TRIM5: variants seen among roughly 807,000 people sequenced by gnomAD.
TRIM5 encodes the protein tripartite motif containing 5.
Under a neutral mutation model 35.6 loss-of-function variants are expected in TRIM5, and 31 were observed. That is an observed-to-expected ratio of 0.87 (90% confidence interval 0.65 to 1.18). The LOEUF (loss-of-function observed/expected upper bound fraction) is 1.18, where lower values mean the gene tolerates loss of function less well. Among genes scored for constraint, TRIM5 ranks in the 50% most tolerant of loss-of-function variants. The probability of loss-of-function intolerance (pLI) is 0.00; values close to 1 mark genes in which losing one functional copy is unlikely to be tolerated. For synonymous variants in TRIM5, 243 were observed against 215.6 expected (o/e 1.13, Z -1.11); for missense variants, 609 against 591.6 (o/e 1.03, Z -0.31).
At chr11:5,651,348 G>GTAA in the TRIM5 span, among the ~76,000 whole-genome samples, 1 of 152,148 alleles carries the variant, frequency 6.6e-6, no homozygotes, top group Admixed American at 6.5e-5. Context: ...CATCACCTGG[G>GTAA]TAATAAGCAT....
chr11:5,625,525 A>G, the TRIM5 span, among the ~76,000 whole-genome samples: 1 of 152,170 alleles, frequency 6.6e-6, no homozygotes, highest in African/African-American at 2.4e-5. Flanking sequence ...GTGGCGTCAG[A>G]TAGAATGGAG....
the TRIM5 span, among the ~76,000 whole-genome samples, chr11:5,614,302 G>A: frequency 1.2e-3 from 177 of 152,306 alleles, no homozygotes; most frequent in African/African-American, 4.1e-3. Flanking sequence ...CTTTCATCTT[G>A]TGGCACTTGC....
chr11:5,591,345 C>A, the TRIM5 span, among the ~76,000 whole-genome samples: 2 of 152,260 alleles, frequency 1.3e-5, no homozygotes, highest in East Asian at 1.9e-4. Context: ...AGTAGACTGG[C>A]AAGGAGACAG....
rs1270477035 is a variant in TRIM5, at chr11:5,663,457, T to A, written c.*1352A>T. 1 of 985,258 alleles carries A rather than the reference T, an allele frequency of 1.0e-6. No homozygotes were observed. The highest frequency in any genetic ancestry group is 6.1e-5 in the Admixed American group (1 of 16,270). 61.0% of individuals were successfully genotyped at this position (985,258 alleles called of 1,614,324 possible). ...AATGAGAATTTAGTAAATCCAATCC[T>A]AGTTTCCCTGAAGGCACAACCTGTT... is the stretch of plus-strand genomic sequence containing the variant. On this transcript the variant is annotated 3_prime_UTR_variant, in exon 8 of 8. Coordinates refer to ENST00000380034, the MANE Select transcript of TRIM5 (RefSeq NM_033034.3).
the TRIM5 span, among the ~76,000 whole-genome samples, chr11:5,655,087 G>C: frequency 6.3e-4 from 96 of 151,910 alleles, no homozygotes; most frequent in Non-Finnish European, 1.2e-3. Flanking sequence ...AGCTACTTCG[G>C]GAGGCTGAGG....
the TRIM5 span, chr11:5,610,723 T>G: frequency 6.3e-7 from 1 of 1,591,008 alleles, no homozygotes; most frequent in Non-Finnish European, 8.6e-7. Flanking sequence ...CTTCTCAGCA[T>G]AACGAGACCC....
At chr11:5,610,373 G>A in the TRIM5 span, 2 of 1,563,394 alleles carry the variant, frequency 1.3e-6, no homozygotes, top group Non-Finnish European at 8.7e-7. Context: ...GAGGGACATA[G>A]TGTGCTGAAG....
the TRIM5 span, among the ~76,000 whole-genome samples, chr11:5,646,211 T>C: frequency 6.6e-6 from 1 of 151,892 alleles, no homozygotes; most frequent in Admixed American, 6.6e-5. Context: ...TTTTTGGAAA[T>C]ATCATTTTAC....
In TRIM5 at chr11:5,664,619, G is replaced by C. The variant is rs1052636097; in HGVS notation, c.*190C>G. On this transcript the variant is annotated 3_prime_UTR_variant, in exon 8 of 8. Transcript: ENST00000380034. ...ATGATGAAAAAAATTGCTATCAAAT[G>C]TCAATAAAATATTGGGGACAATATG... The C allele has an allele frequency of 7.6e-7, 1 of 1,321,664 alleles. No individual in the cohort carries two copies. Among genetic ancestry groups the C allele is most frequent in the Non-Finnish European group, 9.6e-7 (1 of 1,039,986 alleles). The allele number at this position is 1,321,664 out of a possible 1,614,324, so 81.9% of individuals were successfully genotyped here.
the TRIM5 span, chr11:5,633,735 C>T: frequency 2.8e-6 from 4 of 1,450,954 alleles, no homozygotes; most frequent in Non-Finnish European, 2.8e-6. Context: ...TGATTTTTTC[C>T]CTGTTTGTCC....
chr11:5,648,837 A>T, the TRIM5 span, among the ~76,000 whole-genome samples: 1 of 152,232 alleles, frequency 6.6e-6, no homozygotes, highest in Non-Finnish European at 1.5e-5. Flanking sequence ...ACGTTAAATA[A>T]TTAGTGTTTC....
At chr11:5,653,218 C>T in the TRIM5 span, among the ~76,000 whole-genome samples, 1 of 152,180 alleles carries the variant, frequency 6.6e-6, no homozygotes, top group Non-Finnish European at 1.5e-5. Context: ...CCCTGCGTAA[C>T]TGTATTCCTA....
At chr11:5,644,691 C>T in the TRIM5 span, among the ~76,000 whole-genome samples, 2 of 152,030 alleles carry the variant, frequency 1.3e-5, no homozygotes, top group Admixed American at 6.6e-5. Context: ...TACCGTGTGT[C>T]GGGGGGGTGG....
the TRIM5 span, chr11:5,610,302 A>C: frequency 6.2e-7 from 1 of 1,610,834 alleles, no homozygotes; most frequent in South Asian, 1.1e-5. Flanking sequence ...GGGAAGAAAT[A>C]AACGGGATAG....
At chr11:5,604,504 T>G in the TRIM5 span, 1 of 1,597,560 alleles carries the variant, frequency 6.3e-7, no homozygotes, top group Non-Finnish European at 8.5e-7. Flanking sequence ...GAAGGCTTGA[T>G]CCTGCTTGAC....
At chr11:5,591,405 T>C in the TRIM5 span, among the ~76,000 whole-genome samples, 4 of 152,216 alleles carry the variant, frequency 2.6e-5, no homozygotes, top group Non-Finnish European at 5.9e-5. Context: ...TCCTAGCACT[T>C]TGGGAGGCCG....
At chr11:5,603,121 A>G in the TRIM5 span, 2 of 1,461,096 alleles carry the variant, frequency 1.4e-6, no homozygotes, top group South Asian at 1.4e-5. Flanking sequence ...CGTATTGGAT[A>G]TGAGAATGAG....
chr11:5,626,341 G>T, the TRIM5 span, among the ~76,000 whole-genome samples: 18 of 152,308 alleles, frequency 1.2e-4, no homozygotes, highest in South Asian at 8.3e-4. Context: ...ACAAGAAGAT[G>T]ACTAATACTA....
chr11:5,634,718 CAA>C, the TRIM5 span: 3 of 1,614,016 alleles, frequency 1.9e-6, no homozygotes, highest in Non-Finnish European at 1.7e-6. Flanking sequence ...GAGAGAGCTG[CAA>C]AGATTGGAAG....
Sources: allele counts gnomAD v4.1 joint callset (sites outside exome capture counted in the v4.1 genomes callset), GRCh38; gene constraint gnomAD v4.1.1; transcripts MANE v1.5; gene names NCBI Gene and HGNC (gene_info 2026-07-23, HGNC 2026-07-21).